The following GALNT17 variants were observed in gnomAD, a reference collection of about 807,000 sequenced individuals.
The protein encoded by GALNT17 is UDP-GalNAc:polypeptide N-acetylgalactosaminyltransferase-like 3.
In GALNT17, 29 loss-of-function variants were observed where a neutral mutation model predicts 63.7. The observed-to-expected ratio is 0.46, with a 90% CI of 0.34 to 0.62. The LOEUF (loss-of-function observed/expected upper bound fraction) is 0.62, where lower values mean the gene tolerates loss of function less well. Among genes scored for constraint, GALNT17 ranks in the 20% least tolerant of loss-of-function variants. The pLI, the probability that GALNT17 is intolerant of heterozygous loss-of-function variation, is 0.01. For missense variants in GALNT17, 603 were observed against 799.6 expected (o/e 0.75, Z 2.97); for synonymous variants, 305 against 318.3 (o/e 0.96, Z 0.45).
intron 2 of GALNT17, among the ~76,000 whole-genome samples, chr7:71,379,009 GA>G (rs1390098981): frequency 1.3e-5 from 2 of 151,800 alleles, no homozygotes; most frequent in African/African-American, 2.4e-5. Flanking sequence ...CTCTAAAAAA[GA>G]AAAAAAGAAG....
At chr7:71,142,882 C>T (rs1416019306) in intron 1 of GALNT17, among the ~76,000 whole-genome samples, 1 of 149,450 alleles carries the variant, frequency 6.7e-6, no homozygotes, top group Non-Finnish European at 1.5e-5. Context: ...CGGAGGTTGC[C>T]ATGGGCCGAG....
chr7:71,157,303 A>G (rs1469664388), intron 1 of GALNT17, among the ~76,000 whole-genome samples: 1 of 151,928 alleles, frequency 6.6e-6, no homozygotes, highest in African/African-American at 2.4e-5. Flanking sequence ...AGTTTATTCA[A>G]TGAGATGTCT....
chr7:71,484,647 A>G (rs529135707), intron 5 of GALNT17, among the ~76,000 whole-genome samples: 4 of 152,268 alleles, frequency 2.6e-5, no homozygotes, highest in African/African-American at 4.8e-5. Flanking sequence ...TTCTTCAGCT[A>G]CATTATAATC....
At chr7:71,172,838 C>CCT in intron 1 of GALNT17, among the ~76,000 whole-genome samples, 1 of 152,248 alleles carries the variant, frequency 6.6e-6, no homozygotes, top group African/African-American at 2.4e-5. Flanking sequence ...TCCTCATACT[C>CCT]CTGTTTGCTT....
At chr7:71,163,592 C>A (rs1024720138) in intron 1 of GALNT17, among the ~76,000 whole-genome samples, 3 of 152,140 alleles carry the variant, frequency 2.0e-5, no homozygotes, top group Non-Finnish European at 4.4e-5. Context: ...GGAACCGTTT[C>A]TTCTAGTTTA....
chr7:71,606,139 C>T (rs1204124324), intron 6 of GALNT17, among the ~76,000 whole-genome samples: 1 of 114,240 alleles, frequency 8.8e-6, no homozygotes, highest in African/African-American at 3.4e-5. Context: ...TTTTTTTGTA[C>T]AGACAGGGTT....
intron 5 of GALNT17, among the ~76,000 whole-genome samples, chr7:71,566,654 C>T (rs1051341999): frequency 6.1e-5 from 9 of 147,454 alleles, no homozygotes; most frequent in Non-Finnish European, 8.9e-5. Flanking sequence ...CTTCTAGCTG[C>T]GAGATAAAGC....
chr7:71,366,454 G>A (rs145927059), intron 2 of GALNT17, among the ~76,000 whole-genome samples: 102 of 152,230 alleles, frequency 6.7e-4, no homozygotes, highest in African/African-American at 2.3e-3. Flanking sequence ...GGTGGCGGGC[G>A]CCTGTAATCC....
chr7:71,534,564 A>T (rs1327338831), intron 5 of GALNT17, among the ~76,000 whole-genome samples: 1 of 143,024 alleles, frequency 7.0e-6, no homozygotes, highest in Non-Finnish European at 1.5e-5. Context: ...GTGCCACTGC[A>T]CTCCAGCCTG....
intron 5 of GALNT17, among the ~76,000 whole-genome samples, chr7:71,509,542 G>T (rs1788320866): frequency 6.6e-6 from 1 of 152,236 alleles, no homozygotes; most frequent in African/African-American, 2.4e-5. Flanking sequence ...CTGTTGTGTA[G>T]CTAGGGAAAC....
chr7:71,533,149 A>G (rs1788748264), intron 5 of GALNT17, among the ~76,000 whole-genome samples: 1 of 152,230 alleles, frequency 6.6e-6, no homozygotes, highest in Non-Finnish European at 1.5e-5. Context: ...GACTTGAGGC[A>G]GGAACCAACA....
intron 2 of GALNT17, among the ~76,000 whole-genome samples, chr7:71,367,475 G>A (rs975067440): frequency 1.3e-5 from 2 of 152,198 alleles, no homozygotes; most frequent in Admixed American, 6.5e-5. Context: ...GGTATAGACC[G>A]AGCTTCCCTT....
intron 1 of GALNT17, among the ~76,000 whole-genome samples, chr7:71,142,896 G>A (rs1234992478): frequency 6.7e-6 from 1 of 148,764 alleles, no homozygotes; most frequent in Admixed American, 6.8e-5. Context: ...GGCCGAGATT[G>A]TGCCACTGCA....
intron 2 of GALNT17, among the ~76,000 whole-genome samples, chr7:71,373,911 G>T (rs1792674174): frequency 2.0e-5 from 3 of 152,154 alleles, no homozygotes; most frequent in Non-Finnish European, 4.4e-5. Flanking sequence ...AACACCATAT[G>T]ACTGTGCATC....
chr7:71,558,998 C>G (rs966713787), intron 5 of GALNT17, among the ~76,000 whole-genome samples: 1 of 152,110 alleles, frequency 6.6e-6, no homozygotes, highest in Non-Finnish European at 1.5e-5. Context: ...TTGACAGTTC[C>G]CTTTCCAATC....
intron 1 of GALNT17, among the ~76,000 whole-genome samples, chr7:71,297,446 AG>A (rs1387996689): frequency 2.0e-5 from 3 of 152,160 alleles, no homozygotes; most frequent in African/African-American, 7.2e-5. Flanking sequence ...CAGGAGGCTG[AG>A]GTAGGAGAAT....
Position 71,665,590 on chromosome 7 carries a change from G to A in GALNT17, c.1260G>A (p.Pro420=), listed in dbSNP as rs575395276. ...ATGTGTACATAGCGTGGAACCTGCC[G>A]CTGGAGGTAGGGATCACCAGCCTTT... ...KSHVYIAWNL[P]LENPGIDIGD... The change falls in exon 7 of 11, where the codon CCG becomes CCA. Residue 420 remains proline, a synonymous_variant. Coordinates refer to ENST00000333538, the MANE Select transcript of GALNT17 (RefSeq NM_022479.3). 424 of 1,612,380 alleles carry A rather than the reference G, an allele frequency of 2.6e-4. 5 individuals carry two copies. In the South Asian group the frequency reaches 3.8e-3, roughly 15 times the overall value.
intron 1 of GALNT17, among the ~76,000 whole-genome samples, chr7:71,247,676 C>T (rs1321279978): frequency 3.9e-5 from 6 of 151,976 alleles, no homozygotes; most frequent in Non-Finnish European, 8.8e-5. Flanking sequence ...AGGTTGGTCT[C>T]GAACTCCTGA....
intron 1 of GALNT17, among the ~76,000 whole-genome samples, chr7:71,180,899 A>G (rs1207908043): frequency 6.6e-6 from 1 of 152,192 alleles, no homozygotes; most frequent in African/African-American, 2.4e-5. Context: ...ATATAATGTG[A>G]TGAACACGGT....
Sources: gnomAD v4.1 joint callset for allele counts (sites outside exome capture counted in the v4.1 genomes callset) on GRCh38, gnomAD v4.1.1 for gene constraint, MANE v1.5 for transcripts, NCBI Gene and HGNC (gene_info 2026-07-23, HGNC 2026-07-21) for gene names.